Variants in CRADD observed in about 807,000 individuals in gnomAD.
The protein encoded by CRADD is death domain-containing protein CRADD.
In CRADD, 9 loss-of-function variants were observed where a neutral mutation model predicts 15.5. The observed-to-expected ratio is 0.58, with a 90% CI of 0.35 to 1.01. The LOEUF (loss-of-function observed/expected upper bound fraction) is 1.01. Among genes scored for constraint, CRADD ranks in the 50% least tolerant of loss-of-function variants. CRADD has a pLI of 0.02. For missense variants in CRADD, 227 were observed against 250.3 expected (o/e 0.91, Z 0.63); for synonymous variants, 118 against 107.6 (o/e 1.10, Z -0.60).
intron 2 of CRADD, among the ~76,000 whole-genome samples, chr12:93,889,760 A>C (rs1205257581): frequency 5.9e-5 from 9 of 152,212 alleles, no homozygotes; most frequent in African/African-American, 2.2e-4. Context: ...GGATGTGGTC[A>C]GTAAATTGGG....
chr12:93,681,877 G>T (rs75043126), intron 2 of CRADD, among the ~76,000 whole-genome samples: 70 of 151,810 alleles, frequency 4.6e-4, no homozygotes, highest in Non-Finnish European at 8.7e-4. Context: ...GTGTGTGTGT[G>T]TATATGTATA....
intron 2 of CRADD, among the ~76,000 whole-genome samples, chr12:93,685,330 C>T (rs1955405390): frequency 6.6e-6 from 1 of 152,106 alleles, no homozygotes; most frequent in Admixed American, 6.5e-5. Flanking sequence ...TACAAAATTA[C>T]AGCTAGATGG....
At chr12:93,749,564 T>A (rs1008816) in intron 2 of CRADD, among the ~76,000 whole-genome samples, 85,412 of 151,496 alleles carry the variant, frequency 0.56, 25,172 homozygotes, top group East Asian at 0.89. Flanking sequence ...TTTAACTCAC[T>A]TATAAATAAT....
chr12:93,742,381 G>C (rs1187838078), intron 2 of CRADD, among the ~76,000 whole-genome samples: 1 of 151,006 alleles, frequency 6.6e-6, no homozygotes, highest in Non-Finnish European at 1.5e-5. Flanking sequence ...GCGCTTGGCC[G>C]GGCACCCGCG....
At chr12:93,885,361 A>G (rs1425962643) in intron 2 of CRADD, among the ~76,000 whole-genome samples, 1 of 152,212 alleles carries the variant, frequency 6.6e-6, no homozygotes, top group Non-Finnish European at 1.5e-5. Flanking sequence ...GGGAACTTGG[A>G]AACATTTTTT....
chr12:93,857,099 G>C (rs557636876), intron 2 of CRADD, among the ~76,000 whole-genome samples: 1 of 151,352 alleles, frequency 6.6e-6, no homozygotes, highest in African/African-American at 2.4e-5. Flanking sequence ...TTAATTCAAA[G>C]CATAGGCTAT....
intron 2 of CRADD, among the ~76,000 whole-genome samples, chr12:93,686,168 G>A (rs1433298972): frequency 6.6e-6 from 1 of 151,554 alleles, no homozygotes; most frequent in Non-Finnish European, 1.5e-5. Context: ...GGGTGTGGTG[G>A]CAGGCACCTG....
At chr12:93,752,074 A>G (rs1956834871) in intron 2 of CRADD, among the ~76,000 whole-genome samples, 1 of 152,198 alleles carries the variant, frequency 6.6e-6, no homozygotes. Context: ...AGGGTGGGGC[A>G]TGTATGCTTG....
intron 2 of CRADD, among the ~76,000 whole-genome samples, chr12:93,691,543 C>T (rs903836779): frequency 2.0e-5 from 3 of 152,134 alleles, no homozygotes; most frequent in Non-Finnish European, 2.9e-5. Flanking sequence ...CATGAGCCAC[C>T]GTGCCTGGCC....
intron 2 of CRADD, among the ~76,000 whole-genome samples, chr12:93,681,592 T>C (rs1955302812): frequency 6.6e-6 from 1 of 152,184 alleles, no homozygotes; most frequent in Non-Finnish European, 1.5e-5. Flanking sequence ...TAAATAATAT[T>C]ACAAAATATA....
intron 2 of CRADD, among the ~76,000 whole-genome samples, chr12:93,774,244 A>G (rs1361680599): frequency 6.6e-6 from 1 of 152,218 alleles, no homozygotes; most frequent in African/African-American, 2.4e-5. Context: ...CCACAAACAT[A>G]TAGTAATACT....
chr12:93,853,534 A>T (rs1376705324), downstream of CRADD, among the ~76,000 whole-genome samples: 2 of 152,194 alleles, frequency 1.3e-5, no homozygotes, highest in African/African-American at 4.8e-5. Context: ...CCATTGTCCC[A>T]CTTTTTGCTC....
At chr12:93,856,785 G>GT (rs1166342893) in intron 2 of CRADD, among the ~76,000 whole-genome samples, 1 of 152,190 alleles carries the variant, frequency 6.6e-6, no homozygotes, top group East Asian at 1.9e-4. Context: ...CAGGCTTCAA[G>GT]TTTTAGGTAT....
intron 2 of CRADD, among the ~76,000 whole-genome samples, chr12:93,786,552 G>A (rs1957279890): frequency 6.6e-6 from 1 of 152,146 alleles, no homozygotes; most frequent in African/African-American, 2.4e-5. Context: ...TAAAAGTGTA[G>A]TAGATGCCAG....
At chr12:93,699,985 C>T (rs555004210) in intron 2 of CRADD, among the ~76,000 whole-genome samples, 6 of 152,184 alleles carry the variant, frequency 3.9e-5, no homozygotes, top group Admixed American at 2.6e-4. Context: ...GCGATCTCAG[C>T]GGGGAAGGGA....
At chr12:93,792,923 T>C (rs60368240) in intron 2 of CRADD, among the ~76,000 whole-genome samples, 15,035 of 152,172 alleles carry the variant, frequency 0.099, 1,232 homozygotes, top group African/African-American at 0.23. Flanking sequence ...GTTAACAATA[T>C]ATAGAATTTT....
intron 2 of CRADD, among the ~76,000 whole-genome samples, chr12:93,813,414 C>A (rs886822451): frequency 6.6e-6 from 1 of 152,246 alleles, no homozygotes; most frequent in African/African-American, 2.4e-5. Flanking sequence ...TTCAGACACA[C>A]AGAATTTCAA....
intron 2 of CRADD, among the ~76,000 whole-genome samples, chr12:93,891,484 G>A (rs932208351): frequency 4.6e-5 from 7 of 152,172 alleles, no homozygotes; most frequent in Admixed American, 4.6e-4. Context: ...GACACTCCGT[G>A]TCAAAAAAAG....
At chr12:93,700,423 T>A (rs1341117997) in intron 2 of CRADD, among the ~76,000 whole-genome samples, 2 of 151,812 alleles carry the variant, frequency 1.3e-5, no homozygotes, top group African/African-American at 4.9e-5. Flanking sequence ...AAATTTGTCT[T>A]CCTTCAGTAA....
Sources: gnomAD v4.1 joint callset for allele counts (sites outside exome capture counted in the v4.1 genomes callset) on GRCh38, gnomAD v4.1.1 for gene constraint, MANE v1.5 for transcripts, NCBI Gene and HGNC (gene_info 2026-07-23, HGNC 2026-07-21) for gene names.